The following NWD2 variants were observed in gnomAD, a reference collection of about 807,000 sequenced individuals.
The protein encoded by NWD2 is NACHT and WD repeat domain containing 2.
NWD2 carries 37 observed loss-of-function variants against 132.7 expected under a neutral mutation model. The observed-to-expected ratio is 0.28, with a 90% CI of 0.21 to 0.37. The LOEUF is 0.37. NWD2 is among the 10% of genes least tolerant of loss of function. The pLI is 1.00. For synonymous variants in NWD2, 705 were observed against 803.0 expected, an observed-to-expected ratio of 0.88 and a Z score of 2.06; for missense variants, 1,592 against 2,122.4, an observed-to-expected ratio of 0.75 and a Z score of 4.91.
chr4:37,317,762 T>G (rs1718986601), intron 1 of NWD2, among the ~76,000 whole-genome samples: 1 of 152,234 alleles, frequency 6.6e-6, no homozygotes, highest in African/African-American at 2.4e-5. Context: ...ACTAAGCACT[T>G]GACAATGCCA....
intron 3 of NWD2, among the ~76,000 whole-genome samples, chr4:37,421,376 T>C (rs17421910): frequency 0.15 from 23,168 of 152,230 alleles, 2,248 homozygotes; most frequent in Admixed American, 0.22. Context: ...TTCACCCTTA[T>C]GGCTGTTCCC....
chr4:37,303,334 T>G (rs533336871), intron 1 of NWD2, among the ~76,000 whole-genome samples: 1 of 152,228 alleles, frequency 6.6e-6, no homozygotes, highest in Non-Finnish European at 1.5e-5. Flanking sequence ...ACCAGTATCA[T>G]GCTGTTTCGG....
At position 37,361,028 on chromosome 4, in the gene NWD2, A is replaced by T. The variant is rs112428842; in HGVS notation, c.357+4546A>T. 7.0e-4 allele frequency among the ~76,000 whole-genome samples: 106 copies of T among 152,284 alleles called. 2 individuals are homozygous for T. The highest frequency in any genetic ancestry group is 2.5e-3 in the African/African-American group (102 of 41,558). Reference sequence around the variant, plus strand: ...AAGATCCTCAGGGACTATACAAAAGATCCTCAGGGACTATTATGAACACAT... The same window carrying T: ...AAGATCCTCAGGGACTATACAAAAGTTCCTCAGGGACTATTATGAACACAT... On this transcript the variant is annotated intron_variant, in intron 3 of 6. Coordinates refer to ENST00000309447, the MANE Select transcript of NWD2 (RefSeq NM_001144990.2).
Position 37,443,586 on chromosome 4 carries a change from C to A in NWD2, c.1598C>A (p.Ala533Asp). ...DDARKLWWLP[A>D]HLPRFVRIVL... ...GCCAGGAAGCTTTGGTGGCTCCCAGCTCACCTGCCCCGCTTTGTCCGGATA... is the reference window on the plus strand; with the variant it reads ...GCCAGGAAGCTTTGGTGGCTCCCAGATCACCTGCCCCGCTTTGTCCGGATA... Residue 533 changes from alanine to aspartate, a missense_variant, in exon 7 of 7, where the codon GCT (alanine) becomes GAT (aspartate). Transcript: ENST00000309447. The surrounding 1 kb of genome is among the most constrained non-coding windows in gnomAD (Gnocchi z 4.1). 1 of 1,551,776 alleles carries A rather than the reference C, an allele frequency of 6.4e-7. No individual in the cohort carries two copies. Among genetic ancestry groups the A allele is most frequent in the African/African-American group, 1.4e-5 (1 of 73,156 alleles).
intron 1 of NWD2, among the ~76,000 whole-genome samples, chr4:37,281,023 T>C (rs1049779843): frequency 6.7e-6 from 1 of 149,744 alleles, no homozygotes; most frequent in Non-Finnish European, 1.5e-5. Context: ...TGGGAGAGAG[T>C]AGGTAGAGAG....
intron 1 of NWD2, among the ~76,000 whole-genome samples, chr4:37,246,681 T>C (rs1185825051): frequency 9.2e-5 from 14 of 152,220 alleles, no homozygotes; most frequent in Admixed American, 9.2e-4. Flanking sequence ...AGAACATTTT[T>C]AAGTGAGAGA....
intron 1 of NWD2, among the ~76,000 whole-genome samples, chr4:37,297,831 A>T (rs961960199): frequency 6.6e-6 from 1 of 152,168 alleles, no homozygotes; most frequent in Non-Finnish European, 1.5e-5. Context: ...TTCTGAGTAC[A>T]TCATATCAGG....
chr4:37,292,285 C>G (rs1299271843), intron 1 of NWD2, among the ~76,000 whole-genome samples: 1 of 150,926 alleles, frequency 6.6e-6, no homozygotes, highest in Non-Finnish European at 1.5e-5. Flanking sequence ...AGAAGTGAGG[C>G]CTTGAGGGGA....
At chr4:37,293,529 A>G (rs1298231642) in intron 1 of NWD2, among the ~76,000 whole-genome samples, 1 of 152,250 alleles carries the variant, frequency 6.6e-6, no homozygotes, top group Non-Finnish European at 1.5e-5. Context: ...AATATCAACT[A>G]TAACATATTA....
At chr4:37,336,678 C>T (rs746820518) in intron 2 of NWD2, among the ~76,000 whole-genome samples, 9 of 152,288 alleles carry the variant, frequency 5.9e-5, no homozygotes, top group East Asian at 1.9e-4. Context: ...CCATGGCTCA[C>T]GCCTGTAATC....
intron 1 of NWD2, among the ~76,000 whole-genome samples, chr4:37,321,015 G>C (rs769158298): frequency 2.0e-5 from 3 of 152,088 alleles, no homozygotes; most frequent in Non-Finnish European, 4.4e-5. Flanking sequence ...AAGTTAACCA[G>C]GTGTGGTGGC....
chr4:37,268,325 A>G (rs369117684), intron 1 of NWD2, among the ~76,000 whole-genome samples: 2 of 151,842 alleles, frequency 1.3e-5, no homozygotes, highest in South Asian at 4.2e-4. Context: ...TTTAAAATCT[A>G]CCTCCTACTG....
chr4:37,378,142 C>G (rs1720383036), intron 3 of NWD2, among the ~76,000 whole-genome samples: 1 of 152,148 alleles, frequency 6.6e-6, no homozygotes, highest in African/African-American at 2.4e-5. Flanking sequence ...TCTCTATGCC[C>G]TTCATCCACC....
At chr4:37,435,703 C>T (rs1393714566) in intron 5 of NWD2, among the ~76,000 whole-genome samples, 1 of 151,998 alleles carries the variant, frequency 6.6e-6, no homozygotes, top group African/African-American at 2.4e-5. Flanking sequence ...AAACACTTGT[C>T]CTAGCTTTCC....
At chr4:37,392,276 C>G (rs956065491) in intron 3 of NWD2, among the ~76,000 whole-genome samples, 2 of 152,144 alleles carry the variant, frequency 1.3e-5, no homozygotes, top group African/African-American at 4.8e-5. Context: ...GAGTGTAGTA[C>G]AGAGGCTTGA....
At chr4:37,430,894 A>C (rs1712158701) in intron 4 of NWD2, 119 bp downstream of exon 4, 3 of 826,976 alleles carry the variant, frequency 3.6e-6, no homozygotes, top group Non-Finnish European at 5.6e-6. Context: ...ACTCTGCCCT[A>C]GGCCCCAGGT....
At position 37,273,629 on chromosome 4, in the gene NWD2, T is replaced by C. The variant is rs145252698; in HGVS notation, c.151+28411T>C. 3.3e-3 allele frequency among the ~76,000 whole-genome samples: 496 copies of C among 152,256 alleles called. 4 individuals carry two copies. Among genetic ancestry groups the C allele is most frequent in the African/African-American group, 0.011 (458 of 41,556 alleles). On this transcript the variant is annotated intron_variant, in intron 1 of 6. Coordinates refer to ENST00000309447, the MANE Select transcript of NWD2 (RefSeq NM_001144990.2). Reference sequence around the variant, plus strand: ...CCATCCCAAATCAACAGAATATACATTCTTCTCAGCACCACATCGCACTTA... The same window carrying C: ...CCATCCCAAATCAACAGAATATACACTCTTCTCAGCACCACATCGCACTTA...
chr4:37,315,303 G>A (rs1718935492), intron 1 of NWD2, among the ~76,000 whole-genome samples: 1 of 151,940 alleles, frequency 6.6e-6, no homozygotes, highest in African/African-American at 2.4e-5. Flanking sequence ...GCTTGATAGT[G>A]GTGTTCAAGT....
chr4:37,398,734 A>T (rs1720849913), intron 3 of NWD2, among the ~76,000 whole-genome samples: 1 of 152,162 alleles, frequency 6.6e-6, no homozygotes, highest in Admixed American at 6.6e-5. Context: ...TATTTTTTTA[A>T]CTCACTATAT....
Sources: allele counts gnomAD v4.1 joint callset (sites outside exome capture counted in the v4.1 genomes callset), GRCh38; gene constraint gnomAD v4.1.1; non-coding constraint Gnocchi (gnomAD v3.1); transcripts MANE v1.5; gene names NCBI Gene and HGNC (gene_info 2026-07-23, HGNC 2026-07-21).